ST6GALNAC3: variants seen among roughly 807,000 people sequenced by gnomAD.
ST6GALNAC3 encodes alpha-N-acetylgalactosaminide alpha-2,6-sialyltransferase 3.
In ST6GALNAC3, 25 loss-of-function variants were observed where a neutral mutation model predicts 32.7. The ratio of observed to expected loss-of-function variants is 0.76; its 90% CI spans 0.56 to 1.07. The LOEUF is 1.07. ST6GALNAC3 is among the 50% of genes least tolerant of loss of function. The pLI is 0.00. For missense variants in ST6GALNAC3, 355 were observed against 382.4 expected (o/e 0.93, Z 0.60); for synonymous variants, 129 against 133.1 (o/e 0.97, Z 0.21).
chr1:76,602,990 C>G, intron 3 of ST6GALNAC3, among the ~76,000 whole-genome samples: 1 of 152,082 alleles, frequency 6.6e-6, no homozygotes, highest in East Asian at 1.9e-4. Flanking sequence ...AGATTATCAA[C>G]CTCATTAGTA....
intron 1 of ST6GALNAC3, among the ~76,000 whole-genome samples, chr1:76,168,110 A>G (rs995537821): frequency 6.6e-6 from 1 of 151,912 alleles, no homozygotes; most frequent in African/African-American, 2.4e-5. Flanking sequence ...TAATTTTTTG[A>G]TGTAGTCATT....
intron 3 of ST6GALNAC3, among the ~76,000 whole-genome samples, chr1:76,415,479 CTAT>C (rs752474689): frequency 2.6e-5 from 4 of 151,932 alleles, no homozygotes; most frequent in African/African-American, 4.8e-5. Flanking sequence ...TAGGCGTCCA[CTAT>C]TATTAATATT....
chr1:76,596,173 C>T (rs1647133815), intron 3 of ST6GALNAC3, among the ~76,000 whole-genome samples: 2 of 152,150 alleles, frequency 1.3e-5, no homozygotes, highest in African/African-American at 4.8e-5. Flanking sequence ...TGCTAGAAAA[C>T]TCTTCGACCT....
chr1:76,515,867 A>G (rs1056208961), intron 3 of ST6GALNAC3, among the ~76,000 whole-genome samples: 1 of 152,240 alleles, frequency 6.6e-6, no homozygotes, highest in Non-Finnish European at 1.5e-5. Context: ...AGTTGAGAAG[A>G]ATGTGCATTC....
intron 1 of ST6GALNAC3, among the ~76,000 whole-genome samples, chr1:76,171,356 A>G (rs1275312662): frequency 6.6e-6 from 1 of 152,184 alleles, no homozygotes; most frequent in Non-Finnish European, 1.5e-5. Flanking sequence ...ACAAAGGAAA[A>G]AAATCCAGCA....
In ST6GALNAC3 at chr1:76,358,144, T is replaced by C. The variant is rs561316702; in HGVS notation, c.213+44145T>C. On this transcript the variant is annotated intron_variant, in intron 2 of 4. Transcript: ENST00000328299. ...TCTTTTGCTGGCTTTTTTGCCCCTA[T>C]CGAATCTTTAAATGTTAGAATCTAA... 3.9e-5 allele frequency among the ~76,000 whole-genome samples: 6 copies of C among 152,300 alleles called. No individual in the cohort carries two copies. In the South Asian group the frequency reaches 1.2e-3, roughly 32 times the overall value.
chr1:76,265,307 G>T (rs1658465003), intron 1 of ST6GALNAC3, among the ~76,000 whole-genome samples: 1 of 152,162 alleles, frequency 6.6e-6, no homozygotes, highest in Admixed American at 6.5e-5. Flanking sequence ...GTTACATGGG[G>T]TGGTGATAAT....
intron 2 of ST6GALNAC3, among the ~76,000 whole-genome samples, chr1:76,385,553 G>T (rs528929423): frequency 6.6e-6 from 1 of 152,190 alleles, no homozygotes; most frequent in Non-Finnish European, 1.5e-5. Flanking sequence ...AGAATTAAAA[G>T]AATCAATATA....
At chr1:76,520,573 G>A (rs1662462359) in intron 3 of ST6GALNAC3, among the ~76,000 whole-genome samples, 1 of 151,910 alleles carries the variant, frequency 6.6e-6, no homozygotes, top group African/African-American at 2.4e-5. Context: ...CTGATCTTGT[G>A]CTTATTTGTG....
chr1:76,291,465 T>C (rs939191802), intron 1 of ST6GALNAC3, among the ~76,000 whole-genome samples: 1 of 152,216 alleles, frequency 6.6e-6, no homozygotes, highest in Non-Finnish European at 1.5e-5. Flanking sequence ...AGGACCCAAT[T>C]AGCAGATTGG....
At chr1:76,590,738 T>C (rs911088209) in intron 3 of ST6GALNAC3, among the ~76,000 whole-genome samples, 1 of 152,248 alleles carries the variant, frequency 6.6e-6, no homozygotes, top group African/African-American at 2.4e-5. Flanking sequence ...GAAACCAGCA[T>C]GCAGAAAGCC....
At chr1:76,442,221 G>A (rs12742405) in intron 3 of ST6GALNAC3, among the ~76,000 whole-genome samples, 30,513 of 152,054 alleles carry the variant, frequency 0.2, 3,661 homozygotes, top group East Asian at 0.27. Context: ...GCCACCTGAA[G>A]TGTATCTACA....
chr1:76,126,949 C>A (rs913032437), intron 1 of ST6GALNAC3, among the ~76,000 whole-genome samples: 2 of 152,094 alleles, frequency 1.3e-5, no homozygotes, highest in Admixed American at 6.5e-5. Context: ...GAATGTCATA[C>A]CTTCAGTAAA....
chr1:76,262,977 A>G (rs1413946305), intron 1 of ST6GALNAC3, among the ~76,000 whole-genome samples: 1 of 152,134 alleles, frequency 6.6e-6, no homozygotes, highest in African/African-American at 2.4e-5. Context: ...GGCCGTATCT[A>G]TGAGGATTTT....
In ST6GALNAC3 at chr1:76,294,856, A is replaced by AG. The variant is rs149832206; in HGVS notation, c.19-18948dup. Among the ~76,000 whole-genome samples the AG allele has an allele frequency of 3.2e-3, 482 of 152,242 alleles. 4 individuals carry two copies. Among genetic ancestry groups the AG allele is most frequent in the African/African-American group, 0.011 (453 of 41,564 alleles). On this transcript the variant is annotated intron_variant, in intron 1 of 4. Coordinates refer to ENST00000328299, the MANE Select transcript of ST6GALNAC3 (RefSeq NM_152996.4). ...TCTAAGAAAGCAAAAGGTCCTGGGA[A>AG]GATTCTATTTATTTTATTCATTTTG...
intron 2 of ST6GALNAC3, among the ~76,000 whole-genome samples, chr1:76,396,737 T>G (rs2101185198): frequency 6.6e-6 from 1 of 152,334 alleles, no homozygotes; most frequent in East Asian, 1.9e-4. Context: ...TTTCTTAGTG[T>G]TTTCTCCCAA....
At chr1:76,562,840 A>T (rs1029598314) in intron 3 of ST6GALNAC3, among the ~76,000 whole-genome samples, 25 of 152,226 alleles carry the variant, frequency 1.6e-4, no homozygotes, top group African/African-American at 5.8e-4. Flanking sequence ...AGAATTTTTG[A>T]AAATCTAAAC....
At chr1:76,494,761 A>ACT (rs1660749742) in intron 3 of ST6GALNAC3, among the ~76,000 whole-genome samples, 3 of 151,510 alleles carry the variant, frequency 2.0e-5, no homozygotes, top group Non-Finnish European at 4.4e-5. Context: ...ACACACACAC[A>ACT]CACACACATA....
intron 3 of ST6GALNAC3, among the ~76,000 whole-genome samples, chr1:76,587,650 G>A (rs1023087965): frequency 6.6e-6 from 1 of 152,162 alleles, no homozygotes. Context: ...GTTGGTGTGA[G>A]GATTAAATAT....
Sources: gnomAD v4.1 joint callset for allele counts (sites outside exome capture counted in the v4.1 genomes callset) on GRCh38, gnomAD v4.1.1 for gene constraint, MANE v1.5 for transcripts, NCBI Gene and HGNC (gene_info 2026-07-23, HGNC 2026-07-21) for gene names.